Variants in IL1RAPL2 observed in about 807,000 individuals in gnomAD.
The protein encoded by IL1RAPL2 is interleukin 1 receptor accessory protein like 2, also known as X-linked interleukin-1 receptor accessory protein-like 2.
IL1RAPL2 carries 3 observed loss-of-function variants against 44.1 expected under a neutral mutation model. The observed-to-expected ratio is 0.07, with a 90% CI of 0.03 to 0.18. The LOEUF (loss-of-function observed/expected upper bound fraction) is 0.18. Ranked by LOEUF, IL1RAPL2 falls within the 10% of genes least tolerant of loss-of-function variation. IL1RAPL2 has a pLI of 1.00. For missense variants in IL1RAPL2, 391 were observed against 496.4 expected (o/e 0.79, Z 2.02); for synonymous variants, 181 against 178.8 (o/e 1.01, Z -0.10).
chrX:104,754,246 A>T (rs1932308529), intron 2 of IL1RAPL2, among the ~76,000 whole-genome samples: 1 of 111,793 alleles, frequency 8.9e-6, no homozygotes, highest in Non-Finnish European at 1.9e-5. Context: ...AGCGATTTTT[A>T]AAATGTCCAT....
chrX:104,933,207 A>G (rs1413049644), intron 2 of IL1RAPL2, among the ~76,000 whole-genome samples: 1 of 111,564 alleles, frequency 9.0e-6, no homozygotes, highest in East Asian at 2.8e-4. Context: ...AACATGGCAC[A>G]TGTATACCTA....
chrX:104,816,622 A>G (rs1188494204), intron 2 of IL1RAPL2, among the ~76,000 whole-genome samples: 1 of 112,292 alleles, frequency 8.9e-6, no homozygotes, highest in Non-Finnish European at 1.9e-5. Flanking sequence ...ATGATTTGAT[A>G]GTCAAATGTC....
chrX:104,690,857 G>A (rs780996016), intron 2 of IL1RAPL2, among the ~76,000 whole-genome samples: 5 of 111,413 alleles, frequency 4.5e-5, no homozygotes, highest in Non-Finnish European at 9.4e-5. Context: ...CTCTATCCCC[G>A]ATAAATGGAA....
chrX:104,843,118 A>G (rs1005182078), intron 2 of IL1RAPL2, among the ~76,000 whole-genome samples: 2 of 111,890 alleles, frequency 1.8e-5, no homozygotes, highest in African/African-American at 6.5e-5. Context: ...GTGAGGAGGA[A>G]TCTAGAGAAG....
chrX:105,125,237 T>C (rs2032963083), intron 2 of IL1RAPL2, among the ~76,000 whole-genome samples: 1 of 111,117 alleles, frequency 9.0e-6, no homozygotes, highest in Non-Finnish European at 1.9e-5. Context: ...TTCTACCACA[T>C]ATATTCCCAG....
intron 2 of IL1RAPL2, among the ~76,000 whole-genome samples, chrX:104,790,640 T>C (rs867638551): frequency 2.7e-5 from 3 of 110,655 alleles, no homozygotes; most frequent in African/African-American, 9.9e-5. Flanking sequence ...TAATATGTGT[T>C]CACTCAAAAA....
intron 2 of IL1RAPL2, among the ~76,000 whole-genome samples, chrX:105,129,675 T>A (rs979977758): frequency 5.4e-5 from 6 of 110,718 alleles, no homozygotes; most frequent in African/African-American, 2.0e-4. Flanking sequence ...AATTTATATA[T>A]TGAAGATGGC....
At chrX:105,758,710 A>G (rs2038660911) in intron 10 of IL1RAPL2, among the ~76,000 whole-genome samples, 1 of 112,056 alleles carries the variant, frequency 8.9e-6, no homozygotes, top group East Asian at 2.8e-4. Context: ...GTGCCTAAAT[A>G]TGGCAAGAAT....
intron 6 of IL1RAPL2, among the ~76,000 whole-genome samples, chrX:105,660,714 T>C (rs1569462763): frequency 2.7e-5 from 3 of 111,227 alleles, no homozygotes; most frequent in African/African-American, 9.8e-5. Flanking sequence ...TTATCAGTTT[T>C]AAATAACAGG....
intron 2 of IL1RAPL2, among the ~76,000 whole-genome samples, chrX:105,122,643 A>G (rs1314988470): frequency 8.9e-6 from 1 of 111,879 alleles, no homozygotes; most frequent in Non-Finnish European, 1.9e-5. Context: ...AATACATGGT[A>G]TCTTATTTAT....
chrX:105,762,842 G>GT (rs1759799367), intron 10 of IL1RAPL2, among the ~76,000 whole-genome samples: 1 of 110,142 alleles, frequency 9.1e-6, no homozygotes, highest in Non-Finnish European at 1.9e-5. Flanking sequence ...GCAAGATTTA[G>GT]TGAGTATTCA....
intron 2 of IL1RAPL2, among the ~76,000 whole-genome samples, chrX:104,868,728 A>G (rs898318303): frequency 8.9e-6 from 1 of 112,305 alleles, no homozygotes; most frequent in East Asian, 2.8e-4. Context: ...GTCTTCTGTG[A>G]ATTACACTGC....
intron 2 of IL1RAPL2, among the ~76,000 whole-genome samples, chrX:105,004,825 C>T (rs1057187484): frequency 3.6e-5 from 4 of 110,857 alleles, no homozygotes; most frequent in African/African-American, 1.3e-4. Context: ...CCCTCTTTTA[C>T]ATGTTAAGAA....
intron 2 of IL1RAPL2, among the ~76,000 whole-genome samples, chrX:105,175,460 G>A (rs146929487): frequency 2.7e-5 from 3 of 111,472 alleles, no homozygotes; most frequent in African/African-American, 9.8e-5. Context: ...GCTATCAATA[G>A]AGTATGTTAC....
chrX:104,921,756 G>A (rs1317872548), intron 2 of IL1RAPL2, among the ~76,000 whole-genome samples: 1 of 112,679 alleles, frequency 8.9e-6, no homozygotes, highest in Non-Finnish European at 1.9e-5. Flanking sequence ...TGATAGCCAT[G>A]GTTTCTGCCT....
intron 2 of IL1RAPL2, among the ~76,000 whole-genome samples, chrX:104,731,655 G>C (rs763264396): frequency 9.0e-6 from 1 of 111,186 alleles, no homozygotes; most frequent in Non-Finnish European, 1.9e-5. Context: ...CACCTGCCTC[G>C]GCCTCCCAAA....
chrX:105,517,565 C>G (rs951077869), intron 6 of IL1RAPL2, among the ~76,000 whole-genome samples: 1 of 111,337 alleles, frequency 9.0e-6, no homozygotes, highest in Non-Finnish European at 1.9e-5. Context: ...TATTAGGACA[C>G]CTTTTCTACC....
At chrX:105,494,818 T>G (rs1391566896) in intron 6 of IL1RAPL2, among the ~76,000 whole-genome samples, 2 of 111,072 alleles carry the variant, frequency 1.8e-5, no homozygotes, top group Non-Finnish European at 3.8e-5. Flanking sequence ...CTATGCCTGG[T>G]GAAGTATTTT....
At chrX:105,237,022 T>A (rs1411362102) in intron 4 of IL1RAPL2, among the ~76,000 whole-genome samples, 1 of 110,374 alleles carries the variant, frequency 9.1e-6, no homozygotes, top group Non-Finnish European at 1.9e-5. Flanking sequence ...CAGGACCCAG[T>A]GTGTGATGTC....
Sources: gnomAD v4.1 joint callset for allele counts (sites outside exome capture counted in the v4.1 genomes callset) on GRCh38, gnomAD v4.1.1 for gene constraint, MANE v1.5 for transcripts, NCBI Gene and HGNC (gene_info 2026-07-23, HGNC 2026-07-21) for gene names.